Variants in NSUN3 observed in about 807,000 individuals in gnomAD.
The protein encoded by NSUN3 is tRNA (cytosine(34)-C(5))-methyltransferase, mitochondrial.
NSUN3 carries 24 observed loss-of-function variants against 36.8 expected under a neutral mutation model. The observed-to-expected ratio is 0.65, with a 90% confidence interval of 0.47 to 0.92. NSUN3 has a LOEUF of 0.92. Among genes scored for constraint, NSUN3 ranks in the 40% least tolerant of loss-of-function variants. The pLI is 0.00. For missense variants in NSUN3, 381 were observed against 392.8 expected, an observed-to-expected ratio of 0.97 and a Z score of 0.25; for synonymous variants, 146 against 145.2, an observed-to-expected ratio of 1.01 and a Z score of -0.04.
chr3:94,119,105 G>A (rs925250902), intron 5 of NSUN3, among the ~76,000 whole-genome samples: 1 of 152,072 alleles, frequency 6.6e-6, no homozygotes, highest in African/African-American at 2.4e-5. Context: ...AAATTGTTAT[G>A]GAAGCAGATG....
intron 2 of NSUN3, chr3:94,077,014 G>T (rs2077249131): frequency 1.2e-6 from 1 of 866,372 alleles, no homozygotes; most frequent in African/African-American, 1.6e-5. Flanking sequence ...TTCTGGTCTG[G>T]TTACACCTGG....
rs76728021 is a variant in NSUN3, at chr3:94,129,918, A to C, written c.*3428A>C. 1.3e-5 allele frequency among the ~76,000 whole-genome samples: 2 copies of C among 151,316 alleles called. No individual in the cohort carries two copies. Among genetic ancestry groups the C allele is most frequent in the Non-Finnish European group, 2.9e-5 (2 of 67,842 alleles). On this transcript the variant is annotated 3_prime_UTR_variant, in exon 6 of 6. Transcript: ENST00000314622. The stretch of plus-strand genomic sequence containing the variant: ...CAGGCACCCGCCACCATGCTTGGCT[A>C]ATTTTTTTTGTATTTTTAGTAAAGA...
At chr3:94,095,442 A>C (rs896625963) in intron 5 of NSUN3, among the ~76,000 whole-genome samples, 2 of 152,124 alleles carry the variant, frequency 1.3e-5, no homozygotes, top group African/African-American at 2.4e-5. Flanking sequence ...CTGGGACCCA[A>C]CCCTGGGGGT....
chr3:94,103,455 A>G (rs1378477654), intron 5 of NSUN3, among the ~76,000 whole-genome samples: 1 of 151,640 alleles, frequency 6.6e-6, no homozygotes, highest in Non-Finnish European at 1.5e-5. Flanking sequence ...TAGTATAATA[A>G]TATACAATAG....
intron 2 of NSUN3, among the ~76,000 whole-genome samples, chr3:94,070,512 T>A (rs1177189278): frequency 6.6e-6 from 1 of 152,054 alleles, no homozygotes; most frequent in Admixed American, 6.6e-5. Context: ...GGAGCAACAA[T>A]GAGTGAGAAA....
chr3:94,125,653 A>G (rs2077482316), intron 5 of NSUN3, among the ~76,000 whole-genome samples: 1 of 152,060 alleles, frequency 6.6e-6, no homozygotes, highest in African/African-American at 2.4e-5. Context: ...CTCTACCCCT[A>G]TTTTCCTACT....
chr3:94,121,154 G>A (rs2077459439), intron 5 of NSUN3, among the ~76,000 whole-genome samples: 2 of 152,124 alleles, frequency 1.3e-5, no homozygotes, highest in Non-Finnish European at 2.9e-5. Context: ...TCCAAAATGA[G>A]CCCTGTGGGA....
At chr3:94,120,216 A>G (rs779942711) in intron 5 of NSUN3, among the ~76,000 whole-genome samples, 1 of 152,226 alleles carries the variant, frequency 6.6e-6, no homozygotes, top group Non-Finnish European at 1.5e-5. Context: ...AATATTGCCT[A>G]TATCCACAAT....
At chr3:94,072,832 C>G (rs771907735) in intron 2 of NSUN3, among the ~76,000 whole-genome samples, 6 of 151,854 alleles carry the variant, frequency 4.0e-5, no homozygotes, top group Middle Eastern at 3.4e-3. Flanking sequence ...ACTTTAAGTT[C>G]TGAGGTACAT....
chr3:94,127,965 A>G lies in NSUN3; in HGVS notation c.*1475A>G, dbSNP rs972603590. The G allele has an allele frequency of 4.6e-5, 7 of 152,116 alleles. No homozygotes were observed. Among genetic ancestry groups the G allele is most frequent in the Admixed American group, 3.9e-4 (6 of 15,268 alleles). 9.4% of individuals were successfully genotyped at this position (152,116 alleles called of 1,614,324 possible). A position where few individuals can be genotyped will look rare whatever the true frequency, so the allele number is the denominator to read the frequency against. ...TCCAGGCACGGTGGCTTATGCCTGT[A>G]ATCCCAGCACTTTGTCAGGCCGAGG... is the stretch of plus-strand genomic sequence containing the variant. On this transcript the variant is annotated 3_prime_UTR_variant, in exon 6 of 6. Transcript: ENST00000314622.
intron 5 of NSUN3, among the ~76,000 whole-genome samples, chr3:94,095,739 TTTTGTTTG>T (rs1047927321): frequency 1.3e-5 from 2 of 151,986 alleles, no homozygotes; most frequent in African/African-American, 2.4e-5. Context: ...AACCAAATTT[TTTTGTTTG>T]TTTGTTTGTT....
At chr3:94,073,420 C>G (rs1271965497) in intron 2 of NSUN3, among the ~76,000 whole-genome samples, 1 of 152,232 alleles carries the variant, frequency 6.6e-6, no homozygotes, top group Non-Finnish European at 1.5e-5. Flanking sequence ...CTCCCACCAA[C>G]AGTGTAAAAG....
intron 5 of NSUN3, among the ~76,000 whole-genome samples, chr3:94,100,069 T>C (rs930057906): frequency 6.6e-6 from 1 of 152,208 alleles, no homozygotes; most frequent in Non-Finnish European, 1.5e-5. Context: ...CTTATTTTCA[T>C]TTACAAAGAG....
At chr3:94,064,615 A>G in intron 2 of NSUN3, 69 bp downstream of exon 2, 1 of 983,586 alleles carries the variant, frequency 1.0e-6, no homozygotes, top group Non-Finnish European at 1.6e-6. Context: ...TTTTTGTGGG[A>G]GGGATGCTGT....
Position 94,084,258 on chromosome 3 carries a change from T to TA in NSUN3, c.275dup (p.Tyr92Ter), listed in dbSNP as rs755203856. The part of the protein sequence containing the change: ...LPNYPKSVKC[Y>*]LSRTPGRIPS... Reference sequence around the variant, plus strand: ...CAACTATCCTAAATCAGTGAAGTGTTACCTTAGCAGAACTCCGGGCCGAAT... The same window carrying TA: ...CAACTATCCTAAATCAGTGAAGTGTTAACCTTAGCAGAACTCCGGGCCGAAT... The change falls in exon 3 of 6, where the codon TAC becomes TAAC. Residue 92 changes from tyrosine to a stop codon, truncating the protein, a stop_gained and frameshift_variant. Coordinates refer to ENST00000314622, the MANE Select transcript of NSUN3 (RefSeq NM_022072.5). LOFTEE classifies it high-confidence loss of function. 1 of 1,614,106 alleles carries TA rather than the reference T, an allele frequency of 6.2e-7. No individual in the cohort carries two copies. Among genetic ancestry groups the TA allele is most frequent in the South Asian group, 1.1e-5 (1 of 91,076 alleles).
At position 94,126,496 on chromosome 3, in the gene NSUN3, A is replaced by G; in HGVS notation, c.*6A>G. ...GGAGCACAGGAAAATGGTGACATGA[A>G]TTTGTAAACTGTGTTTATGTGTTAT... is the stretch of plus-strand genomic sequence containing the variant. On this transcript the variant is annotated 3_prime_UTR_variant, in exon 6 of 6. Coordinates refer to ENST00000314622, the MANE Select transcript of NSUN3 (RefSeq NM_022072.5). 1 of 1,602,374 alleles carries G rather than the reference A, an allele frequency of 6.2e-7. No individual in the cohort carries two copies. The highest frequency in any genetic ancestry group is 8.5e-7 in the Non-Finnish European group (1 of 1,170,890).
intron 1 of NSUN3, 116 bp downstream of exon 1, chr3:94,063,254 C>G: frequency 9.9e-7 from 1 of 1,013,916 alleles, no homozygotes; most frequent in East Asian, 2.4e-5. Context: ...CGTCCCCTCG[C>G]GAGATCAGCG....
chr3:94,102,762 T>C (rs1164820525), intron 5 of NSUN3, among the ~76,000 whole-genome samples: 1 of 152,176 alleles, frequency 6.6e-6, no homozygotes, highest in African/African-American at 2.4e-5. Flanking sequence ...TTTGTAACTA[T>C]TATATTTTCT....
intron 5 of NSUN3, 129 bp downstream of exon 5, chr3:94,095,283 A>G: frequency 2.2e-6 from 2 of 903,314 alleles, no homozygotes; most frequent in Non-Finnish European, 3.3e-6. Context: ...CAAAGGCTAC[A>G]CTCAAAAAAT....
Sources: gnomAD v4.1 joint callset for allele counts (sites outside exome capture counted in the v4.1 genomes callset) on GRCh38, gnomAD v4.1.1 for gene constraint, MANE v1.5 for transcripts, NCBI Gene and HGNC (gene_info 2026-07-23, HGNC 2026-07-21) for gene names.